Variants in CFAP300 observed in about 807,000 individuals in gnomAD.
CFAP300 encodes cilia and flagella associated protein 300.
Under a neutral mutation model 33.0 loss-of-function variants are expected in CFAP300, and 32 were observed. That is an observed-to-expected ratio of 0.97 (90% CI 0.73 to 1.30). The LOEUF (loss-of-function observed/expected upper bound fraction) is 1.30. CFAP300 is among the 50% of genes most tolerant of loss of function. The pLI is 0.00. For synonymous variants in CFAP300, 102 were observed against 106.8 expected, an observed-to-expected ratio of 0.95 and a Z score of 0.28; for missense variants, 356 against 318.1, an observed-to-expected ratio of 1.12 and a Z score of -0.90.
At chr11:102,060,256 A>G (rs1942129673) in intron 3 of CFAP300, among the ~76,000 whole-genome samples, 1 of 151,442 alleles carries the variant, frequency 6.6e-6, no homozygotes. Context: ...TACAGGCGTG[A>G]ACCACCACGC....
chr11:102,055,361 C>CTTTTTTTTTTCT (rs1942036558), intron 2 of CFAP300, among the ~76,000 whole-genome samples: 1 of 113,518 alleles, frequency 8.8e-6, no homozygotes, highest in African/African-American at 3.7e-5. Context: ...ATGCGTTACT[C>CTTTTTTTTTTCT]TTTTTTTTTT....
intron 3 of CFAP300, among the ~76,000 whole-genome samples, chr11:102,062,991 A>T (rs371903047): frequency 2.0e-4 from 31 of 152,330 alleles, no homozygotes; most frequent in African/African-American, 7.0e-4. Context: ...TCTTCAAGAA[A>T]AGGTTAGAAA....
intron 4 of CFAP300, among the ~76,000 whole-genome samples, chr11:102,072,112 C>T (rs1396580529): frequency 6.6e-6 from 1 of 151,692 alleles, no homozygotes; most frequent in East Asian, 1.9e-4. Context: ...TCTGGAACAC[C>T]CATAATTCAA....
At chr11:102,066,456 T>G in intron 3 of CFAP300, 29 bp from the exon 4 acceptor site, 1 of 1,513,558 alleles carries the variant, frequency 6.6e-7, no homozygotes, top group Non-Finnish European at 9.0e-7. Flanking sequence ...TTTTTCTATC[T>G]CCATTCTTTA....
At chr11:102,071,970 T>A (rs1942319393) in intron 4 of CFAP300, among the ~76,000 whole-genome samples, 1 of 152,198 alleles carries the variant, frequency 6.6e-6, no homozygotes, top group South Asian at 2.1e-4. Context: ...AAGACCTTTT[T>A]GGGTTGTACT....
chr11:102,076,808 A>G (rs1247636718), intron 5 of CFAP300, among the ~76,000 whole-genome samples: 1 of 152,224 alleles, frequency 6.6e-6, no homozygotes, highest in Non-Finnish European at 1.5e-5. Context: ...TCATATAGCT[A>G]TACAGCAAAC....
At chr11:102,047,989 T>C (rs1206506209) in intron 2 of CFAP300, 93 bp downstream of exon 2, 1 of 1,188,178 alleles carries the variant, frequency 8.4e-7, no homozygotes, top group Non-Finnish European at 1.2e-6. Flanking sequence ...CGCTATTCCT[T>C]ACTGACGTCG....
At chr11:102,057,080 G>A (rs1289793732) in intron 2 of CFAP300, among the ~76,000 whole-genome samples, 2 of 151,564 alleles carry the variant, frequency 1.3e-5, no homozygotes, top group East Asian at 2.0e-4. Flanking sequence ...ACTCACGCCT[G>A]TAATCCCAGC....
intron 4 of CFAP300, among the ~76,000 whole-genome samples, chr11:102,071,317 AC>A (rs1206425614): frequency 6.6e-6 from 1 of 152,088 alleles, no homozygotes; most frequent in Non-Finnish European, 1.5e-5. Flanking sequence ...TGTTTTATTT[AC>A]AGGTCAAGTG....
intron 4 of CFAP300, among the ~76,000 whole-genome samples, chr11:102,068,688 G>A (rs939591469): frequency 6.6e-6 from 1 of 152,186 alleles, no homozygotes; most frequent in Non-Finnish European, 1.5e-5. Context: ...TTGGGAGGCT[G>A]AGGCACAAGA....
At chr11:102,048,012 T>A in intron 2 of CFAP300, 116 bp downstream of exon 2, 1 of 905,386 alleles carries the variant, frequency 1.1e-6, no homozygotes. Flanking sequence ...TTCTTGGCGT[T>A]TGGGAGTAAT....
At chr11:102,052,146 G>C (rs1941981152) in intron 2 of CFAP300, among the ~76,000 whole-genome samples, 1 of 152,148 alleles carries the variant, frequency 6.6e-6, no homozygotes, top group African/African-American at 2.4e-5. Context: ...CCCTTATAAA[G>C]ACTCATTTCC....
chr11:102,081,358 A>T (rs1942470402), intron 6 of CFAP300, 77 bp downstream of exon 6: 1 of 1,161,730 alleles, frequency 8.6e-7, no homozygotes. Flanking sequence ...TGGAGTTAAC[A>T]ATCAGGACAA....
At chr11:102,078,601 T>C (rs1480997578) in intron 5 of CFAP300, among the ~76,000 whole-genome samples, 2 of 152,204 alleles carry the variant, frequency 1.3e-5, no homozygotes, top group Non-Finnish European at 2.9e-5. Flanking sequence ...GTAATACTAA[T>C]GTAGGATCAG....
intron 4 of CFAP300, among the ~76,000 whole-genome samples, chr11:102,067,012 A>G (rs894325708): frequency 2.0e-5 from 3 of 152,198 alleles, no homozygotes; most frequent in African/African-American, 7.2e-5. Context: ...ATTTTTGCTC[A>G]ATGTGGGCCT....
intron 2 of CFAP300, among the ~76,000 whole-genome samples, chr11:102,048,277 G>C (rs1941916880): frequency 6.6e-6 from 1 of 151,852 alleles, no homozygotes; most frequent in Non-Finnish European, 1.5e-5. Flanking sequence ...TGTCACCCAG[G>C]CTGAATAAAG....
intron 2 of CFAP300, among the ~76,000 whole-genome samples, chr11:102,055,671 CTT>C (rs1264720064): frequency 4.4e-5 from 5 of 112,574 alleles, no homozygotes; most frequent in Non-Finnish European, 5.3e-5. Context: ...CTAAACTACC[CTT>C]TTTTTTTTTT....
chr11:102,080,953 A>G (rs1942464732), intron 5 of CFAP300, among the ~76,000 whole-genome samples: 1 of 152,118 alleles, frequency 6.6e-6, no homozygotes, highest in Non-Finnish European at 1.5e-5. Context: ...GTAGCCTGGG[A>G]AGGTAATTTC....
intron 3 of CFAP300, among the ~76,000 whole-genome samples, chr11:102,060,910 A>T (rs1942141339): frequency 6.6e-6 from 1 of 152,196 alleles, no homozygotes; most frequent in Non-Finnish European, 1.5e-5. Flanking sequence ...AATTAAACTG[A>T]GTATCTGAGA....
Sources: allele counts gnomAD v4.1 joint callset (sites outside exome capture counted in the v4.1 genomes callset), GRCh38; gene constraint gnomAD v4.1.1; transcripts MANE v1.5; gene names NCBI Gene and HGNC (gene_info 2026-07-23, HGNC 2026-07-21).